The following FAF1 variants were observed in gnomAD, a reference collection of about 807,000 sequenced individuals.
The protein encoded by FAF1 is Fas associated factor 1, also known as FAS-associated factor 1.
FAF1 carries 25 observed loss-of-function variants against 92.5 expected under a neutral mutation model. The observed-to-expected ratio is 0.27, with a 90% CI of 0.20 to 0.38. The LOEUF is 0.38. FAF1 is among the 10% of genes least tolerant of loss of function. The pLI, the probability that FAF1 is intolerant of heterozygous loss-of-function variation, is 1.00. For missense variants in FAF1, 636 were observed against 793.3 expected (o/e 0.80, Z 2.38); for synonymous variants, 234 against 273.2 (o/e 0.86, Z 1.42).
chr1:50,458,754 G>A (rs567610238), intron 18 of FAF1, among the ~76,000 whole-genome samples: 27 of 152,264 alleles, frequency 1.8e-4, no homozygotes, highest in African/African-American at 6.5e-4. Flanking sequence ...GCTTAGAAAT[G>A]CTGAGCATTT....
rs527540626 is a variant in FAF1, at chr1:50,505,075, G to C, written c.1495-13274C>G. On this transcript the variant is annotated intron_variant, in intron 15 of 18. Coordinates refer to ENST00000396153, the MANE Select transcript of FAF1 (RefSeq NM_007051.3). ...TAGAAAGCAAGAATATTTTGATTAA[G>C]GTAATATATCTAACACTGCTGAAGA... Among the ~76,000 whole-genome samples the C allele has an allele frequency of 7.0e-4, 107 of 152,276 alleles. No homozygotes were observed. The Middle Eastern group carries it at 0.014, about 19-fold the overall frequency.
intron 18 of FAF1, among the ~76,000 whole-genome samples, chr1:50,465,397 C>T (rs1015931731): frequency 6.6e-6 from 1 of 152,148 alleles, no homozygotes; most frequent in Non-Finnish European, 1.5e-5. Context: ...ACAAGGGGAA[C>T]TCAATAAGTA....
At chr1:50,837,444 T>C (rs571520450) in intron 2 of FAF1, among the ~76,000 whole-genome samples, 9 of 152,366 alleles carry the variant, frequency 5.9e-5, no homozygotes, top group African/African-American at 2.2e-4. Flanking sequence ...ACGTGCCTGG[T>C]TGCTTCCTCA....
chr1:50,875,989 C>T (rs1434849068), intron 1 of FAF1, among the ~76,000 whole-genome samples: 1 of 152,170 alleles, frequency 6.6e-6, no homozygotes, highest in Non-Finnish European at 1.5e-5. Context: ...AATAAGAATG[C>T]TCCAACTATT....
chr1:50,739,671 A>T (rs1375016332), intron 5 of FAF1, among the ~76,000 whole-genome samples: 1 of 152,158 alleles, frequency 6.6e-6, no homozygotes, highest in Non-Finnish European at 1.5e-5. Flanking sequence ...TGAAAAGATC[A>T]CTGAGAGCAC....
chr1:50,945,715 C>G (rs1037067785), intron 1 of FAF1, among the ~76,000 whole-genome samples: 2 of 152,192 alleles, frequency 1.3e-5, no homozygotes, highest in African/African-American at 4.8e-5. Flanking sequence ...CAAGAGCTAT[C>G]TTTAACTTGC....
chr1:50,702,172 C>T (rs1657501697), intron 7 of FAF1, among the ~76,000 whole-genome samples: 2 of 152,090 alleles, frequency 1.3e-5, no homozygotes, highest in African/African-American at 4.8e-5. Flanking sequence ...TCAGAGACTT[C>T]ATATCCTTTT....
chr1:50,846,678 C>T, intron 2 of FAF1: 1 of 565,668 alleles, frequency 1.8e-6, no homozygotes, highest in Non-Finnish European at 3.4e-6. Context: ...TTTTATGCAC[C>T]AACCACAACT....
At chr1:50,725,204 T>A (rs1309343448) in intron 6 of FAF1, among the ~76,000 whole-genome samples, 1 of 152,166 alleles carries the variant, frequency 6.6e-6, no homozygotes, top group Non-Finnish European at 1.5e-5. Flanking sequence ...ATGAGTGGCA[T>A]TATGAACACC....
chr1:50,763,624 T>C (rs1660445255), intron 4 of FAF1, among the ~76,000 whole-genome samples: 1 of 152,186 alleles, frequency 6.6e-6, no homozygotes, highest in Admixed American at 6.6e-5. Context: ...GTATTTTTGC[T>C]GTGTGTGCTT....
chr1:50,752,333 A>T (rs1358715563), intron 4 of FAF1, among the ~76,000 whole-genome samples: 1 of 152,118 alleles, frequency 6.6e-6, no homozygotes, highest in African/African-American at 2.4e-5. Flanking sequence ...AGCTATTCAA[A>T]TTTTTTACTT....
In FAF1 at chr1:50,819,631, G is replaced by GACTCACTCAC. The variant is rs1644013094; in HGVS notation, c.115-17964_115-17955dup. 6.9e-5 allele frequency among the ~76,000 whole-genome samples: 6 copies of GACTCACTCAC among 86,876 alleles called. 1 individual carries two copies. The South Asian group carries it at 1.8e-3, about 27-fold the overall frequency. 57.0% of individuals were successfully genotyped at this position (86,876 alleles called of 152,430 possible). Reference sequence around the variant, plus strand: ...ACAGAGCAAGACTGACCGACTGACTGACTCACTCACACACACACACACACA... The same window carrying GACTCACTCAC: ...ACAGAGCAAGACTGACCGACTGACTGACTCACTCACACTCACTCACACACACACACACACA... On this transcript the variant is annotated intron_variant, in intron 2 of 18. Transcript: ENST00000396153.
At chr1:50,721,650 G>A (rs1165215213) in intron 6 of FAF1, among the ~76,000 whole-genome samples, 2 of 151,626 alleles carry the variant, frequency 1.3e-5, no homozygotes, top group Non-Finnish European at 2.9e-5. Flanking sequence ...TTGGAGACAG[G>A]GTCTCACTCT....
intron 13 of FAF1, among the ~76,000 whole-genome samples, chr1:50,563,254 T>C (rs1311951960): frequency 2.0e-5 from 3 of 152,086 alleles, no homozygotes; most frequent in Non-Finnish European, 4.4e-5. Flanking sequence ...CCATCAGAAC[T>C]ACTGGTCAAA....
At chr1:50,523,231 C>A (rs975978623) in intron 15 of FAF1, among the ~76,000 whole-genome samples, 1 of 152,102 alleles carries the variant, frequency 6.6e-6, no homozygotes, top group African/African-American at 2.4e-5. Flanking sequence ...AACTTTCAGG[C>A]ACAAATACCT....
intron 7 of FAF1, 77 bp from the exon 8 acceptor site, chr1:50,655,605 T>A: frequency 1.2e-6 from 1 of 868,916 alleles, no homozygotes; most frequent in Non-Finnish European, 1.8e-6. Context: ...TTATGAGACA[T>A]ACAGTGTATT....
chr1:50,960,171 G>A lies in FAF1; in HGVS notation c.-360C>T, dbSNP rs906545786. ...TACCTTCAGCGGCGTTAAGCCCGGC[G>A]GGGGCGGGGAAACCGAGCGAGCGAG... On this transcript the variant is annotated 5_prime_UTR_variant, in exon 1 of 19. Transcript: ENST00000396153. 9.6e-6 allele frequency: 3 copies of A among 313,906 alleles called. No individual in the cohort carries two copies. Among genetic ancestry groups the A allele is most frequent in the Non-Finnish European group, 1.8e-5 (3 of 170,186 alleles). The allele number at this position is 313,906 out of a possible 1,614,324, so 19.4% of individuals were successfully genotyped here. A position where few individuals can be genotyped will look rare whatever the true frequency, so the allele number is the denominator to read the frequency against.
chr1:50,521,954 T>A (rs964017198), intron 15 of FAF1, among the ~76,000 whole-genome samples: 1 of 152,230 alleles, frequency 6.6e-6, no homozygotes, highest in Admixed American at 6.5e-5. Context: ...GTTTCATATA[T>A]GACAATTATT....
At position 50,475,539 on chromosome 1, in the gene FAF1, A is replaced by C. The variant is rs752572912; in HGVS notation, c.1794T>G (p.Ile598Met). 2.5e-5 allele frequency: 40 copies of C among 1,614,016 alleles called. No homozygotes were observed. The highest frequency in any genetic ancestry group is 3.4e-6 in the Non-Finnish European group (4 of 1,180,006). Residue 598 changes from isoleucine to methionine, a missense_variant, in exon 18 of 19, where the codon ATT (isoleucine) becomes ATG (methionine). Around this residue, in one of 2 missense-constraint regions of FAF1, gnomAD observed 319 missense variants for 451.0 expected, o/e 0.71. Transcript: ENST00000396153. ...CTTTGGAAGCTACAAAATCAAAGAC[A>C]ATCTGGAGCTTGTTGCTGGCCAGGA... ...RRFLASNKLQ[I>M]VFDFVASKGF...
Sources: allele counts gnomAD v4.1 joint callset (sites outside exome capture counted in the v4.1 genomes callset), GRCh38; gene constraint gnomAD v4.1.1; regional missense constraint gnomAD v4.1.1; transcripts MANE v1.5; gene names NCBI Gene and HGNC (gene_info 2026-07-23, HGNC 2026-07-21).